RARB: variants seen among roughly 807,000 people sequenced by gnomAD.
RARB encodes the protein retinoic acid receptor beta.
A neutral mutation model predicts 51.9 loss-of-function variants in RARB; 17 were observed. The observed-to-expected ratio is 0.33, with a 90% CI of 0.22 to 0.49. The LOEUF (loss-of-function observed/expected upper bound fraction) is 0.49, where lower values mean the gene tolerates loss of function less well. Ranked by LOEUF, RARB falls within the 20% of genes least tolerant of loss-of-function variation. The pLI, the probability that RARB is intolerant of heterozygous loss-of-function variation, is 0.99. For missense variants in RARB, 369 were observed against 550.8 expected (o/e 0.67, Z 3.30); for synonymous variants, 215 against 195.4 (o/e 1.10, Z -0.84).
intron 2 of RARB, among the ~76,000 whole-genome samples, chr3:24,984,414 A>G (rs1300093427): frequency 2.0e-5 from 3 of 152,218 alleles, no homozygotes; most frequent in African/African-American, 7.2e-5. Context: ...AAAGGATAGG[A>G]AAAGAGAAAA....
At chr3:25,098,584 G>A (rs1243393150) in intron 3 of RARB, among the ~76,000 whole-genome samples, 1 of 152,124 alleles carries the variant, frequency 6.6e-6, no homozygotes, top group Admixed American at 6.5e-5. Context: ...CGGCTGGTGG[G>A]TCAAGTCCAG....
intron 2 of RARB, among the ~76,000 whole-genome samples, chr3:24,914,520 A>T (rs1451826198): frequency 6.6e-6 from 1 of 152,166 alleles, no homozygotes. Flanking sequence ...GTATCCATAA[A>T]GGACTGGTTC....
At chr3:25,473,820 A>G (rs923348578) in intron 2 of RARB, among the ~76,000 whole-genome samples, 1 of 147,368 alleles carries the variant, frequency 6.8e-6, no homozygotes, top group Non-Finnish European at 1.5e-5. Context: ...TATAACAGAG[A>G]TTGGTGGATT....
At chr3:24,876,828 G>A (rs1703053611) in intron 2 of RARB, among the ~76,000 whole-genome samples, 1 of 152,144 alleles carries the variant, frequency 6.6e-6, no homozygotes, top group East Asian at 1.9e-4. Context: ...AGTTTAGATA[G>A]TGGCATTTCA....
At chr3:25,295,930 G>A (rs1461469289) in intron 5 of RARB, among the ~76,000 whole-genome samples, 1 of 152,162 alleles carries the variant, frequency 6.6e-6, no homozygotes, top group Non-Finnish European at 1.5e-5. Flanking sequence ...ATATGGAGAT[G>A]GAGGATTTAT....
intron 2 of RARB, among the ~76,000 whole-genome samples, chr3:24,861,001 C>A (rs907709304): frequency 6.6e-6 from 1 of 152,122 alleles, no homozygotes; most frequent in Admixed American, 6.5e-5. Context: ...CCTATTGATG[C>A]ATTTCTCAGA....
chr3:25,569,148 A>G (rs1483406623), intron 3 of RARB, among the ~76,000 whole-genome samples: 2 of 152,266 alleles, frequency 1.3e-5, no homozygotes, highest in African/African-American at 4.8e-5. Context: ...TACTGTATCA[A>G]TTATTATTTT....
chr3:25,317,694 C>G (rs1460424071), intron 5 of RARB, among the ~76,000 whole-genome samples: 3 of 151,998 alleles, frequency 2.0e-5, no homozygotes, highest in African/African-American at 7.2e-5. Context: ...TGGGAGTAGG[C>G]TAATATTATC....
At chr3:25,223,856 A>C (rs998724438) in intron 5 of RARB, among the ~76,000 whole-genome samples, 1 of 152,174 alleles carries the variant, frequency 6.6e-6, no homozygotes, top group Non-Finnish European at 1.5e-5. Flanking sequence ...TTTCCTATCC[A>C]GTGTATTTTA....
intron 1 of RARB, among the ~76,000 whole-genome samples, chr3:24,855,579 T>C (rs1322527489): frequency 6.6e-6 from 1 of 152,088 alleles, no homozygotes; most frequent in Non-Finnish European, 1.5e-5. Flanking sequence ...GGGAATATAG[T>C]ACATATTTAA....
intron 3 of RARB, among the ~76,000 whole-genome samples, chr3:25,098,491 G>A (rs1055528821): frequency 6.6e-6 from 1 of 152,204 alleles, no homozygotes; most frequent in Non-Finnish European, 1.5e-5. Flanking sequence ...ATTGGGTAAA[G>A]AAGTCCACCT....
chr3:24,983,113 G>A (rs1215644053), intron 2 of RARB, among the ~76,000 whole-genome samples: 2 of 152,046 alleles, frequency 1.3e-5, no homozygotes, highest in Non-Finnish European at 1.5e-5. Flanking sequence ...GCCACTCCTG[G>A]TATTTGAGTT....
chr3:25,590,242 C>T (rs749277863), intron 5 of RARB, among the ~76,000 whole-genome samples: 12 of 152,130 alleles, frequency 7.9e-5, no homozygotes, highest in Non-Finnish European at 1.3e-4. Flanking sequence ...AGGAAGAAAA[C>T]CTTTTCGAAT....
At chr3:25,290,493 G>A (rs955246183) in intron 5 of RARB, among the ~76,000 whole-genome samples, 7 of 152,154 alleles carry the variant, frequency 4.6e-5, no homozygotes, top group African/African-American at 1.4e-4. Flanking sequence ...TGTTATGGCA[G>A]CCCTAGCAAA....
At chr3:25,192,830 G>A (rs1701137588) in intron 5 of RARB, among the ~76,000 whole-genome samples, 1 of 151,968 alleles carries the variant, frequency 6.6e-6, no homozygotes, top group Non-Finnish European at 1.5e-5. Flanking sequence ...ATTGGGAGCA[G>A]GTGACTGGCA....
At position 24,983,212 on chromosome 3, in the gene RARB, C is replaced by T. The variant is rs918469110; in HGVS notation, c.-379-76913C>T. Among the ~76,000 whole-genome samples, 6 of 152,154 alleles carry T rather than the reference C, an allele frequency of 3.9e-5. No homozygotes were observed. In the East Asian group the frequency reaches 9.7e-4, roughly 24 times the overall value. On this transcript the variant is annotated intron_variant, in intron 2 of 11. Transcript: ENST00000383772. ...CATAGGTACACACATCTGCCAACCT[C>T]ATTATATCTTTTAGTAGAATTGTAC...
At chr3:24,984,564 T>G (rs1015306294) in intron 2 of RARB, among the ~76,000 whole-genome samples, 1 of 151,988 alleles carries the variant, frequency 6.6e-6, no homozygotes, top group Non-Finnish European at 1.5e-5. Flanking sequence ...ACACAGAGAG[T>G]AGAAGTTACC....
intron 1 of RARB, among the ~76,000 whole-genome samples, chr3:24,851,425 C>A (rs1230258971): frequency 2.0e-4 from 29 of 141,878 alleles, no homozygotes; most frequent in African/African-American, 6.2e-4. Flanking sequence ...GAGACTTTGT[C>A]TCAAAAAAAA....
chr3:25,133,683 A>G (rs909552587), intron 4 of RARB, among the ~76,000 whole-genome samples: 2 of 151,912 alleles, frequency 1.3e-5, no homozygotes, highest in South Asian at 4.1e-4. Context: ...TTGTTTTTCA[A>G]TACAGCAGGC....
Sources: gnomAD v4.1 joint callset for allele counts (sites outside exome capture counted in the v4.1 genomes callset) on GRCh38, gnomAD v4.1.1 for gene constraint, MANE v1.5 for transcripts, NCBI Gene and HGNC (gene_info 2026-07-23, HGNC 2026-07-21) for gene names.